The following CEP192 variants were observed in gnomAD, a reference collection of about 807,000 sequenced individuals.
CEP192 encodes the protein centrosomal protein 192.
Under a neutral mutation model 271.8 loss-of-function variants are expected in CEP192, and 151 were observed. The observed-to-expected ratio is 0.56, with a 90% confidence interval of 0.49 to 0.64. CEP192 has a LOEUF of 0.64. Ranked by LOEUF, CEP192 falls within the 30% of genes least tolerant of loss-of-function variation. CEP192 has a pLI of 0.00. For missense variants in CEP192, 2,910 were observed against 3,020.5 expected (o/e 0.96, Z 0.86); for synonymous variants, 995 against 1,076.5 (o/e 0.92, Z 1.48).
intron 18 of CEP192, among the ~76,000 whole-genome samples, chr18:13,055,020 G>GT (rs2144112525): frequency 6.6e-6 from 1 of 152,298 alleles, no homozygotes; most frequent in Non-Finnish European, 1.5e-5. Flanking sequence ...GCTCATACCT[G>GT]TAATCCCAGC....
At chr18:13,003,830 A>T (rs2033812319) in intron 3 of CEP192, among the ~76,000 whole-genome samples, 1 of 152,162 alleles carries the variant, frequency 6.6e-6, no homozygotes, top group Non-Finnish European at 1.5e-5. Flanking sequence ...GGTTATGTGG[A>T]AAAGAGACTG....
chr18:13,109,515 T>C (rs2040112038), intron 40 of CEP192, among the ~76,000 whole-genome samples: 1 of 152,126 alleles, frequency 6.6e-6, no homozygotes, highest in African/African-American at 2.4e-5. Flanking sequence ...CCTGCGCATG[T>C]ACCCCCTGAA....
At chr18:13,090,936 C>T (rs1016561393) in intron 33 of CEP192, among the ~76,000 whole-genome samples, 3 of 152,174 alleles carry the variant, frequency 2.0e-5, no homozygotes, top group Non-Finnish European at 4.4e-5. Flanking sequence ...ACAGTCCTCT[C>T]GTTGGATGGT....
chr18:13,029,301 G>A (rs2035481965), intron 9 of CEP192, among the ~76,000 whole-genome samples: 1 of 152,166 alleles, frequency 6.6e-6, no homozygotes, highest in Non-Finnish European at 1.5e-5. Flanking sequence ...AATTTTATGA[G>A]GCTAGTCACA....
intron 15 of CEP192, among the ~76,000 whole-genome samples, chr18:13,045,205 G>A (rs183268947): frequency 6.6e-6 from 1 of 151,922 alleles, no homozygotes; most frequent in East Asian, 1.9e-4. Flanking sequence ...AATTCTGTTT[G>A]TCTTTCTATT....
At chr18:13,023,229 C>T (rs1469251632) in intron 9 of CEP192, among the ~76,000 whole-genome samples, 1 of 152,038 alleles carries the variant, frequency 6.6e-6, no homozygotes, top group Non-Finnish European at 1.5e-5. Context: ...AATCTATATA[C>T]ACTTTATTTC....
At position 13,019,175 on chromosome 18, in the gene CEP192, A is replaced by G; in HGVS notation, c.1019A>G (p.Asn340Ser). The G allele has an allele frequency of 6.5e-7, 1 of 1,544,892 alleles. No individual in the cohort carries two copies. Among genetic ancestry groups the G allele is most frequent in the Non-Finnish European group, 8.7e-7 (1 of 1,144,512 alleles). Residue 340 changes from asparagine to serine, a missense_variant, in exon 9 of 45, where the codon AAT (asparagine) becomes AGT (serine). Asn to Ser is a conservative substitution (Grantham distance 46). Transcript: ENST00000506447. ...TGGGGAACTGAGAAAGAAATAGAAA[A>G]TTTGAAGGGTATTGTTCCAGATCTT... ...GTWGTEKEIE[N>S]LKGIVPDLNS...
At chr18:13,005,775 C>G (rs1386861370) in intron 3 of CEP192, among the ~76,000 whole-genome samples, 1 of 152,160 alleles carries the variant, frequency 6.6e-6, no homozygotes, top group Non-Finnish European at 1.5e-5. Context: ...GCTTCTTTGA[C>G]CCCTTCTTGG....
At chr18:13,061,104 C>T (rs1311841002) in intron 21 of CEP192, among the ~76,000 whole-genome samples, 2 of 152,204 alleles carry the variant, frequency 1.3e-5, no homozygotes, top group East Asian at 1.9e-4. Flanking sequence ...GGGCAGATCA[C>T]CTGAGGTCAG....
intron 32 of CEP192, 27 bp downstream of exon 32, chr18:13,087,673 G>T: frequency 8.3e-7 from 1 of 1,199,700 alleles, no homozygotes; most frequent in South Asian, 1.5e-5. Context: ...ACACAATGTT[G>T]GGAACCATTC....
intron 37 of CEP192, 104 bp from the exon 38 acceptor site, chr18:13,100,197 TTTTG>T (rs1264983761): frequency 2.8e-6 from 2 of 722,952 alleles, no homozygotes; most frequent in African/African-American, 1.8e-5. Flanking sequence ...TTTATTGATG[TTTTG>T]TTTGTTTGGC....
Position 13,001,561 on chromosome 18 carries a change from A to G in CEP192, c.269A>G (p.Gln90Arg). Residue 90 changes from glutamine to arginine, a missense_variant, in exon 3 of 45, where the codon CAG (glutamine) becomes CGG (arginine). Physicochemically the swap from Gln to Arg is conservative, Grantham distance 43 (BLOSUM62 1). Coordinates refer to ENST00000506447, the MANE Select transcript of CEP192 (RefSeq NM_032142.4). ...GATGCTGAACCAAGAGAGAGGTTAC[A>G]GCTTAGCTTCCAGGATGATGAGTAA... is the stretch of plus-strand genomic sequence containing the variant. ...QSDAEPRERL[Q>R]LSFQDDDSIS... is the part of the protein sequence containing the mutation. 1.9e-6 allele frequency: 3 copies of G among 1,549,438 alleles called. No individual in the cohort carries two copies. The highest frequency in any genetic ancestry group is 2.6e-6 in the Non-Finnish European group (3 of 1,146,320).
At chr18:13,099,387 A>C in intron 36 of CEP192, 89 bp from the exon 37 acceptor site, 1 of 664,568 alleles carries the variant, frequency 1.5e-6, no homozygotes, top group South Asian at 2.0e-5. Flanking sequence ...GGAAATGGCC[A>C]TTGGCTGGTA....
chr18:13,008,417 A>G (rs2034114072), intron 3 of CEP192, 39 bp from the exon 4 acceptor site: 1 of 1,341,664 alleles, frequency 7.5e-7, no homozygotes, highest in Non-Finnish European at 1.0e-6. Context: ...ACCCAAGGTA[A>G]CTAACATTTT....
chr18:13,028,438 C>T (rs2035427931), intron 9 of CEP192, among the ~76,000 whole-genome samples: 1 of 152,196 alleles, frequency 6.6e-6, no homozygotes. Context: ...GAATATAAGA[C>T]AATCATCTGT....
intron 17 of CEP192, among the ~76,000 whole-genome samples, chr18:13,050,704 C>T (rs2036738127): frequency 6.6e-6 from 1 of 151,946 alleles, no homozygotes. Context: ...CTCGGTCTCC[C>T]GAGTAGCTGG....
intron 30 of CEP192, among the ~76,000 whole-genome samples, chr18:13,082,104 G>C (rs1377440803): frequency 1.3e-5 from 2 of 152,322 alleles, no homozygotes; most frequent in East Asian, 3.8e-4. Flanking sequence ...GGAGAGTTCT[G>C]TAGATGTCTA....
chr18:13,071,079 GA>G lies in CEP192; in HGVS notation c.5216del (p.Glu1739GlyfsTer2). 1 of 1,614,100 alleles carries G rather than the reference GA, an allele frequency of 6.2e-7. No individual in the cohort carries two copies. The highest frequency in any genetic ancestry group is 8.5e-7 in the Non-Finnish European group (1 of 1,179,934). ...TGTGCAGCCATTTGGACCTCAGTAT[GA>G]GGTAGTGTTAAAAGGCGAAGTCATT... ...IFVQPFGPQYEVVLKGEVISS... is the reference protein window; with the variant it reads ...IFVQPFGPQYXVVLKGEVISS... On this transcript the variant is annotated frameshift_variant, in exon 28 of 45. Coordinates refer to ENST00000506447, the MANE Select transcript of CEP192 (RefSeq NM_032142.4). LOFTEE classifies it high-confidence loss of function.
intron 7 of CEP192, among the ~76,000 whole-genome samples, chr18:13,018,245 G>T (rs2034775397): frequency 1.3e-5 from 2 of 152,152 alleles, no homozygotes; most frequent in Admixed American, 6.5e-5. Flanking sequence ...TAAGTCATCT[G>T]TGGGATGAGA....
Sources: gnomAD v4.1 joint callset for allele counts (sites outside exome capture counted in the v4.1 genomes callset) on GRCh38, gnomAD v4.1.1 for gene constraint, MANE v1.5 for transcripts, NCBI Gene and HGNC (gene_info 2026-07-23, HGNC 2026-07-21) for gene names.